The following PRKCB variants were observed in gnomAD, a reference collection of about 807,000 sequenced individuals.
PRKCB encodes protein kinase C beta type.
A neutral mutation model predicts 81.5 loss-of-function variants in PRKCB; 13 were observed. The observed-to-expected ratio is 0.16, with a 90% CI of 0.10 to 0.25. The LOEUF (loss-of-function observed/expected upper bound fraction) is 0.25, where lower values mean the gene tolerates loss of function less well. Ranked by LOEUF, PRKCB falls within the 10% of genes least tolerant of loss-of-function variation. The pLI is 1.00. For missense variants in PRKCB, 509 were observed against 875.7 expected (o/e 0.58, Z 5.29); for synonymous variants, 335 against 321.4 (o/e 1.04, Z -0.45).
intron 2 of PRKCB, among the ~76,000 whole-genome samples, chr16:23,985,599 A>T (rs910159382): frequency 6.6e-6 from 1 of 152,216 alleles, no homozygotes; most frequent in African/African-American, 2.4e-5. Context: ...AATTATCTTG[A>T]ATTTAATTTC....
chr16:24,140,749 T>C (rs1169419129), intron 9 of PRKCB, among the ~76,000 whole-genome samples: 2 of 152,214 alleles, frequency 1.3e-5, no homozygotes, highest in Non-Finnish European at 2.9e-5. Flanking sequence ...ATTGGGAAAG[T>C]TGCAAGTCTT....
intron 1 of PRKCB, 46 bp downstream of exon 1, chr16:23,836,394 C>T: frequency 1.9e-6 from 3 of 1,585,678 alleles, no homozygotes; most frequent in Non-Finnish European, 2.6e-6. Flanking sequence ...CCGAGGGCAG[C>T]GCCGCGCCAG....
At chr16:23,945,636 G>T (rs1272169977) in intron 2 of PRKCB, among the ~76,000 whole-genome samples, 1 of 152,054 alleles carries the variant, frequency 6.6e-6, no homozygotes, top group African/African-American at 2.4e-5. Flanking sequence ...GAATCTCAGT[G>T]GTGGAAAGTC....
At position 24,180,510 on chromosome 16, in the gene PRKCB, C is replaced by G. The variant is rs184854727; in HGVS notation, c.1395-280C>G. On this transcript the variant is annotated intron_variant, in intron 12 of 16. Coordinates refer to ENST00000643927, the MANE Select transcript of PRKCB (RefSeq NM_002738.7). ...CATGGATGCTCTGCCCTTTGCTTAA[C>G]TTTCTGTGGATCTCCGTCTTTTCAG... 2.6e-5 allele frequency among the ~76,000 whole-genome samples: 4 copies of G among 152,330 alleles called. No homozygotes were observed. The East Asian group carries it at 7.7e-4, about 29-fold the overall frequency.
At chr16:23,942,270 G>A (rs1014324976) in intron 2 of PRKCB, among the ~76,000 whole-genome samples, 13 of 152,372 alleles carry the variant, frequency 8.5e-5, no homozygotes, top group African/African-American at 3.1e-4. Context: ...TTGGCAATCT[G>A]TGTGTCTAAA....
At chr16:23,881,457 G>A (rs368654705) in intron 2 of PRKCB, among the ~76,000 whole-genome samples, 2 of 151,966 alleles carry the variant, frequency 1.3e-5, no homozygotes, top group African/African-American at 2.4e-5. Context: ...TCATCATGTT[G>A]CCCAGGCTGG....
chr16:24,042,275 C>T (rs1965708097), intron 5 of PRKCB, among the ~76,000 whole-genome samples: 1 of 152,100 alleles, frequency 6.6e-6, no homozygotes, highest in Admixed American at 6.5e-5. Flanking sequence ...CAGGAGATGC[C>T]CCAATTTGTG....
chr16:23,883,459 TC>T (rs2141110841), intron 2 of PRKCB, among the ~76,000 whole-genome samples: 1 of 152,274 alleles, frequency 6.6e-6, no homozygotes, highest in Non-Finnish European at 1.5e-5. Flanking sequence ...AGGATGAGCC[TC>T]TGTGCTAAGT....
chr16:24,057,113 A>G (rs1226467879), intron 5 of PRKCB, among the ~76,000 whole-genome samples: 1 of 152,210 alleles, frequency 6.6e-6, no homozygotes, highest in Non-Finnish European at 1.5e-5. Flanking sequence ...AAAAGACAGG[A>G]CCTTGTCAAC....
At chr16:24,197,815 G>A (rs531129755) in intron 16 of PRKCB, among the ~76,000 whole-genome samples, 4 of 152,258 alleles carry the variant, frequency 2.6e-5, no homozygotes, top group Admixed American at 6.5e-5. Flanking sequence ...ACATGAAGGC[G>A]CTGATGAACA....
chr16:23,892,124 T>A (rs548744352), intron 2 of PRKCB, among the ~76,000 whole-genome samples: 1 of 152,358 alleles, frequency 6.6e-6, no homozygotes, highest in East Asian at 1.9e-4. Context: ...TCCCTTGGTC[T>A]CAGTGATAAA....
At chr16:24,094,813 A>G (rs866514543) in intron 7 of PRKCB, among the ~76,000 whole-genome samples, 13 of 105,594 alleles carry the variant, frequency 1.2e-4, no homozygotes, top group Admixed American at 1.7e-4. Flanking sequence ...GGGAGGGAGG[A>G]AGGAAGGAAG....
intron 8 of PRKCB, among the ~76,000 whole-genome samples, chr16:24,117,349 G>A (rs1966747568): frequency 6.6e-6 from 1 of 152,194 alleles, no homozygotes; most frequent in South Asian, 2.1e-4. Context: ...TGTTTGCTTA[G>A]GGGGCTTTCA....
At chr16:24,151,691 G>A (rs1967081560) in intron 9 of PRKCB, 5 of 417,604 alleles carry the variant, frequency 1.2e-5, no homozygotes, top group South Asian at 6.9e-5. Context: ...AATGTTCAAA[G>A]GAAAAGAAAG....
intron 2 of PRKCB, among the ~76,000 whole-genome samples, chr16:23,890,368 T>G (rs1314377049): frequency 6.6e-6 from 1 of 152,222 alleles, no homozygotes; most frequent in African/African-American, 2.4e-5. Flanking sequence ...TTCCTCTGAA[T>G]CTTGTAGGGG....
chr16:24,089,071 T>C (rs2141898109), intron 5 of PRKCB, among the ~76,000 whole-genome samples: 1 of 152,312 alleles, frequency 6.6e-6, no homozygotes. Flanking sequence ...TAGAAACTGG[T>C]ACATGTTATT....
intron 2 of PRKCB, among the ~76,000 whole-genome samples, chr16:23,846,565 G>A (rs1189240003): frequency 7.6e-6 from 1 of 132,090 alleles, no homozygotes; most frequent in Non-Finnish European, 1.5e-5. Flanking sequence ...AGCCAAGATT[G>A]CGCCACTGCA....
intron 10 of PRKCB, 110 bp downstream of exon 10, chr16:24,154,967 A>T: frequency 7.9e-7 from 1 of 1,267,468 alleles, no homozygotes; most frequent in Non-Finnish European, 1.1e-6. Context: ...TTCCCTTTCT[A>T]GACACAGAAA....
Position 24,185,148 on chromosome 16 carries a change from G to A in PRKCB, c.1571G>A (p.Trp524Ter). The change falls in exon 14 of 17, where the codon TGG (tryptophan) becomes TAG (stop). Residue 524 changes from tryptophan to a stop codon, truncating the protein, a stop_gained. Transcript: ENST00000643927. LOFTEE classifies it high-confidence loss of function. The stretch of plus-strand genomic sequence containing the variant: ...CAGCCCTATGGGAAGTCCGTGGATT[G>A]GTGGGCATTTGGAGTCCTGCTGTAT... ...AYQPYGKSVD[W>*]WAFGVLLYEM... is the part of the protein sequence containing the mutation. 6.2e-7 allele frequency: 1 copy of A among 1,614,108 alleles called. No individual in the cohort carries two copies. Among genetic ancestry groups the A allele is most frequent in the Non-Finnish European group, 8.5e-7 (1 of 1,179,992 alleles).
Sources: gnomAD v4.1 joint callset for allele counts (sites outside exome capture counted in the v4.1 genomes callset) on GRCh38, gnomAD v4.1.1 for gene constraint, MANE v1.5 for transcripts, NCBI Gene and HGNC (gene_info 2026-07-23, HGNC 2026-07-21) for gene names.